Variants in CSMD1 observed in about 807,000 individuals in gnomAD.
CSMD1 encodes the protein CUB and Sushi multiple domains 1.
Under a neutral mutation model 417.5 loss-of-function variants are expected in CSMD1, and 213 were observed. The ratio of observed to expected loss-of-function variants is 0.51; its 90% confidence interval spans 0.46 to 0.57. The LOEUF (loss-of-function observed/expected upper bound fraction) is 0.57. Ranked by LOEUF, CSMD1 falls within the 20% of genes least tolerant of loss-of-function variation. The pLI, the probability that CSMD1 is intolerant of heterozygous loss-of-function variation, is 0.00. For synonymous variants in CSMD1, 2,862 were observed against 1,736.8 expected (o/e 1.65, Z -16.11); for missense variants, 6,923 against 4,529.7 (o/e 1.53, Z -15.17).
At chr8:4,095,006 G>C (rs1360822737) in intron 3 of CSMD1, among the ~76,000 whole-genome samples, 6 of 152,186 alleles carry the variant, frequency 3.9e-5, no homozygotes, top group Admixed American at 6.5e-5. Context: ...ACTAGAAATG[G>C]AGAGACCATG....
Position 2,938,437 on chromosome 8 carries a change from A to G in CSMD1, c.*148T>C. On this transcript the variant is annotated 3_prime_UTR_variant, in exon 70 of 70. Coordinates refer to ENST00000635120, the MANE Select transcript of CSMD1 (RefSeq NM_033225.6). Reference sequence around the variant, plus strand: ...AAGACCCTGACACATTTGAGTAGAGATCCCCGCTGCACTTATGCCAGTAGA... The same window carrying G: ...AAGACCCTGACACATTTGAGTAGAGGTCCCCGCTGCACTTATGCCAGTAGA... 1.4e-6 allele frequency: 1 copy of G among 708,402 alleles called. No homozygotes were observed. Among genetic ancestry groups the G allele is most frequent in the South Asian group, 2.1e-5 (1 of 46,854 alleles). The allele number at this position is 708,402 out of a possible 1,614,324, so 43.9% of individuals were successfully genotyped here.
In CSMD1 at chr8:3,521,029, C is replaced by G. The variant is rs911514271; in HGVS notation, c.1345-27303G>C. Among the ~76,000 whole-genome samples the G allele has an allele frequency of 1.1e-4, 17 of 152,286 alleles. No homozygotes were observed. In the South Asian group the frequency reaches 2.5e-3, roughly 22 times the overall value. ...GAGCATCCATTCCTCATGTTCTTCA[C>G]CTGTCACCCCTAGAACTTTATGCCT... On this transcript the variant is annotated intron_variant, in intron 10 of 69. Coordinates refer to ENST00000635120, the MANE Select transcript of CSMD1 (RefSeq NM_033225.6).
chr8:3,317,152 AATC>A (rs1410157711), intron 23 of CSMD1, among the ~76,000 whole-genome samples: 1 of 152,190 alleles, frequency 6.6e-6, no homozygotes, highest in East Asian at 1.9e-4. Context: ...GGAAGAGGAG[AATC>A]ATCAGCATTG....
chr8:4,165,425 G>C (rs1196807673), intron 3 of CSMD1, among the ~76,000 whole-genome samples: 3 of 152,232 alleles, frequency 2.0e-5, no homozygotes, highest in African/African-American at 2.4e-5. Flanking sequence ...TGTTTTGTTT[G>C]AGGTGGTGTC....
At chr8:4,530,577 G>C (rs796298237) in intron 2 of CSMD1, among the ~76,000 whole-genome samples, 1 of 150,102 alleles carries the variant, frequency 6.7e-6, no homozygotes, top group African/African-American at 2.5e-5. Flanking sequence ...TCCCACTTAT[G>C]AGTGAGGAAC....
At chr8:4,438,230 C>T (rs538435925) in intron 2 of CSMD1, among the ~76,000 whole-genome samples, 53 of 152,230 alleles carry the variant, frequency 3.5e-4, no homozygotes, top group African/African-American at 1.1e-3. Flanking sequence ...TAATCTCAAC[C>T]CAAGCCGTCT....
chr8:3,239,177 T>C (rs78652821), intron 26 of CSMD1, among the ~76,000 whole-genome samples: 8,524 of 152,248 alleles, frequency 0.056, 402 homozygotes, highest in South Asian at 0.23. Flanking sequence ...TAAAAGACCA[T>C]TAGTCCGTTT....
intron 25 of CSMD1, among the ~76,000 whole-genome samples, chr8:3,301,381 G>C (rs1804396288): frequency 6.6e-6 from 1 of 152,100 alleles, no homozygotes. Context: ...AGAAGTGTGG[G>C]AGCTAGTGAA....
chr8:4,584,023 C>T (rs887881388), intron 2 of CSMD1, among the ~76,000 whole-genome samples: 5 of 151,834 alleles, frequency 3.3e-5, no homozygotes, highest in African/African-American at 9.7e-5. Flanking sequence ...CCAGATGCGC[C>T]GCCTTAAGAG....
At chr8:3,623,556 G>A (rs1020288897) in intron 7 of CSMD1, among the ~76,000 whole-genome samples, 1 of 152,198 alleles carries the variant, frequency 6.6e-6, no homozygotes, top group Non-Finnish European at 1.5e-5. Context: ...TTAAGCTTAT[G>A]TGTTTGCTAG....
At chr8:4,287,438 C>T (rs968130188) in intron 3 of CSMD1, among the ~76,000 whole-genome samples, 6 of 152,226 alleles carry the variant, frequency 3.9e-5, no homozygotes, top group South Asian at 2.1e-4. Flanking sequence ...CCCTTTCTTA[C>T]GTCCAATATT....
intron 37 of CSMD1, 55 bp from the exon 38 acceptor site, chr8:3,162,332 C>A (rs1025875337): frequency 7.6e-6 from 9 of 1,176,868 alleles, no homozygotes; most frequent in Non-Finnish European, 1.1e-5. Flanking sequence ...ATATTCTTAT[C>A]ATTTGAATAA....
intron 40 of CSMD1, 60 bp from the exon 41 acceptor site, chr8:3,142,734 C>T: frequency 7.3e-7 from 1 of 1,360,750 alleles, no homozygotes; most frequent in Non-Finnish European, 1.0e-6. Flanking sequence ...AATCAATGCT[C>T]ATAAAAAGGG....
At chr8:4,716,358 C>G (rs1011964446) in intron 1 of CSMD1, among the ~76,000 whole-genome samples, 4 of 152,206 alleles carry the variant, frequency 2.6e-5, no homozygotes, top group Admixed American at 6.5e-5. Flanking sequence ...GGCATGACAT[C>G]AAGTGACTGA....
intron 3 of CSMD1, among the ~76,000 whole-genome samples, chr8:4,315,030 C>T (rs1361310119): frequency 6.6e-6 from 1 of 152,142 alleles, no homozygotes; most frequent in Admixed American, 6.5e-5. Flanking sequence ...GGTCCCTCTT[C>T]TAATCATGAC....
At chr8:4,320,251 A>G (rs916522260) in intron 3 of CSMD1, among the ~76,000 whole-genome samples, 4 of 152,188 alleles carry the variant, frequency 2.6e-5, no homozygotes, top group African/African-American at 4.8e-5. Flanking sequence ...AGAAACAGGA[A>G]AATAAGACCC....
chr8:4,019,022 T>C (rs1160595805), intron 4 of CSMD1, among the ~76,000 whole-genome samples: 2 of 152,240 alleles, frequency 1.3e-5, no homozygotes, highest in Admixed American at 6.5e-5. Flanking sequence ...ACAATTACAG[T>C]GACTAAGATG....
intron 3 of CSMD1, among the ~76,000 whole-genome samples, chr8:4,338,238 G>C (rs765725718): frequency 3.0e-4 from 46 of 152,264 alleles, no homozygotes; most frequent in African/African-American, 1.1e-3. Flanking sequence ...CTAATATTAA[G>C]TTAGAATAGT....
At chr8:3,747,705 C>A (rs1225055346) in intron 6 of CSMD1, among the ~76,000 whole-genome samples, 5 of 152,004 alleles carry the variant, frequency 3.3e-5, no homozygotes, top group African/African-American at 1.2e-4. Flanking sequence ...GGACACATGC[C>A]TGAAATGTTC....
Sources: gnomAD v4.1 joint callset for allele counts (sites outside exome capture counted in the v4.1 genomes callset) on GRCh38, gnomAD v4.1.1 for gene constraint, MANE v1.5 for transcripts, NCBI Gene and HGNC (gene_info 2026-07-23, HGNC 2026-07-21) for gene names.